The following TIMP3 variants were observed in gnomAD, a reference collection of about 807,000 sequenced individuals.
TIMP3 encodes TIMP metallopeptidase inhibitor 3.
In TIMP3, 11 loss-of-function variants were observed where a neutral mutation model predicts 30.0. The ratio of observed to expected loss-of-function variants is 0.37; its 90% CI spans 0.23 to 0.61. The LOEUF (loss-of-function observed/expected upper bound fraction) is 0.61. Ranked by LOEUF, TIMP3 falls within the 20% of genes least tolerant of loss-of-function variation. TIMP3 has a pLI of 0.70. For synonymous variants in TIMP3, 112 were observed against 111.3 expected (o/e 1.01, Z -0.04); for missense variants, 181 against 276.8 (o/e 0.65, Z 2.45).
At chr22:32,846,004 G>A (rs2146222841) in intron 1 of TIMP3, among the ~76,000 whole-genome samples, 1 of 152,282 alleles carries the variant, frequency 6.6e-6, no homozygotes, top group African/African-American at 2.4e-5. Context: ...GGGTTGGCCA[G>A]CAATTCTACT....
intron 1 of TIMP3, among the ~76,000 whole-genome samples, chr22:32,827,759 T>A (rs2047455135): frequency 6.6e-6 from 1 of 152,156 alleles, no homozygotes; most frequent in Non-Finnish European, 1.5e-5. Flanking sequence ...GGCCTCTGTC[T>A]CCCTTGGCCT....
chr22:32,825,442 C>A (rs920405749), intron 1 of TIMP3, among the ~76,000 whole-genome samples: 1 of 151,764 alleles, frequency 6.6e-6, no homozygotes, highest in Non-Finnish European at 1.5e-5. Flanking sequence ...AGGTGGATCA[C>A]CAGGTCAGGA....
At chr22:32,844,903 A>AT in intron 1 of TIMP3, among the ~76,000 whole-genome samples, 1 of 152,010 alleles carries the variant, frequency 6.6e-6, no homozygotes, top group Non-Finnish European at 1.5e-5. Flanking sequence ...ATAATTTTTT[A>AT]TTTTTTATAG....
intron 1 of TIMP3, among the ~76,000 whole-genome samples, chr22:32,844,332 C>A (rs1489356984): frequency 2.0e-5 from 3 of 152,176 alleles, no homozygotes; most frequent in Non-Finnish European, 4.4e-5. Context: ...GAAACTCAAT[C>A]CCAATTGCCA....
At chr22:32,838,915 T>C (rs1020551975) in intron 1 of TIMP3, among the ~76,000 whole-genome samples, 3 of 151,490 alleles carry the variant, frequency 2.0e-5, no homozygotes, top group African/African-American at 7.3e-5. Context: ...TGCTAGTGAG[T>C]GTCCAAGGAA....
chr22:32,819,566 G>A (rs980282872), intron 1 of TIMP3, among the ~76,000 whole-genome samples: 2 of 152,092 alleles, frequency 1.3e-5, no homozygotes, highest in African/African-American at 2.4e-5. Flanking sequence ...TATATTCCAG[G>A]TGCTGGGCAG....
At chr22:32,856,799 A>C (rs1434936281) in intron 2 of TIMP3, among the ~76,000 whole-genome samples, 2 of 152,164 alleles carry the variant, frequency 1.3e-5, no homozygotes, top group African/African-American at 4.8e-5. Context: ...CATTAATTAT[A>C]TCTCTTTGCC....
chr22:32,856,035 C>T (rs571826707), intron 2 of TIMP3, among the ~76,000 whole-genome samples: 11 of 152,274 alleles, frequency 7.2e-5, no homozygotes, highest in Middle Eastern at 3.4e-3. Context: ...TTGAATTCAA[C>T]GTTCACCAGC....
At chr22:32,812,361 A>C (rs1187752563) in intron 1 of TIMP3, among the ~76,000 whole-genome samples, 1 of 152,204 alleles carries the variant, frequency 6.6e-6, no homozygotes, top group African/African-American at 2.4e-5. Flanking sequence ...TAGTGAGCTG[A>C]GATACTTTAT....
At chr22:32,838,018 G>A (rs968291252) in intron 1 of TIMP3, among the ~76,000 whole-genome samples, 13 of 152,142 alleles carry the variant, frequency 8.5e-5, no homozygotes, top group African/African-American at 2.7e-4. Context: ...TCCCTCCGGC[G>A]CCTCCAGGCT....
chr22:32,849,582 C>T (rs1472386711), intron 2 of TIMP3, 48 bp downstream of exon 2: 1 of 1,551,634 alleles, frequency 6.4e-7, no homozygotes, highest in East Asian at 2.3e-5. Flanking sequence ...TGGGTTTTTG[C>T]CAGAAGAGTC....
chr22:32,802,642 G>A (rs528482027), intron 1 of TIMP3, among the ~76,000 whole-genome samples: 6 of 152,228 alleles, frequency 3.9e-5, no homozygotes, highest in South Asian at 2.1e-4. Flanking sequence ...CCAGCTGCAG[G>A]CTTCCCAGGC....
chr22:32,823,839 A>G (rs1601457899), intron 1 of TIMP3, among the ~76,000 whole-genome samples: 1 of 151,688 alleles, frequency 6.6e-6, no homozygotes, highest in Non-Finnish European at 1.5e-5. Context: ...CCCCATGTCC[A>G]CTCCTATAAG....
intron 1 of TIMP3, among the ~76,000 whole-genome samples, chr22:32,838,499 C>T (rs1423882843): frequency 6.6e-6 from 1 of 152,170 alleles, no homozygotes; most frequent in Non-Finnish European, 1.5e-5. Flanking sequence ...CTTGAGGGTG[C>T]TGAGCCTTGG....
chr22:32,840,522 T>A lies in TIMP3; in HGVS notation c.122-8930T>A, dbSNP rs562101507. Among the ~76,000 whole-genome samples, 318 of 145,514 alleles carry A rather than the reference T, an allele frequency of 2.2e-3. 1 individual carries two copies. Among genetic ancestry groups the A allele is most frequent in the Non-Finnish European group, 3.5e-3 (232 of 66,098 alleles). On this transcript the variant is annotated intron_variant, in intron 1 of 4. Transcript: ENST00000266085. ...CCCCACCCCCAGCCCCCAGCCCCCATGCTCTTGCAGTGGGAGGGGGGTCAT... is the reference window on the plus strand; with the variant it reads ...CCCCACCCCCAGCCCCCAGCCCCCAAGCTCTTGCAGTGGGAGGGGGGTCAT...
intron 1 of TIMP3, among the ~76,000 whole-genome samples, chr22:32,802,917 C>G (rs551922683): frequency 1.3e-5 from 2 of 152,066 alleles, no homozygotes; most frequent in South Asian, 4.2e-4. Flanking sequence ...TGCCAAGGGT[C>G]ACATCACGGT....
rs1014520908 is a variant in TIMP3 at position 32,860,790 on chromosome 22, G to A, written c.*1413G>A. On this transcript the variant is annotated 3_prime_UTR_variant, in exon 5 of 5. Transcript: ENST00000266085. Reference sequence around the variant, plus strand: ...CTCTCCTGGGTGTGGAGACAGCTTGGTTCCCTTTCCCTAGCTCCCTGGTGG... The same window carrying A: ...CTCTCCTGGGTGTGGAGACAGCTTGATTCCCTTTCCCTAGCTCCCTGGTGG... 15 of 152,080 alleles carry A rather than the reference G, an allele frequency of 9.9e-5. No homozygotes were observed. The highest frequency in any genetic ancestry group is 3.4e-4 in the African/African-American group (14 of 41,396). 9.4% of individuals were successfully genotyped at this position (152,080 alleles called of 1,614,324 possible). A position where few individuals can be genotyped will look rare whatever the true frequency, so the allele number is the denominator to read the frequency against.
chr22:32,830,680 C>G (rs778629203), intron 1 of TIMP3, among the ~76,000 whole-genome samples: 4 of 152,102 alleles, frequency 2.6e-5, no homozygotes, highest in Admixed American at 2.6e-4. Context: ...CCCCGCAATA[C>G]CACTGTGTGT....
At chr22:32,838,089 G>A (rs1329990116) in intron 1 of TIMP3, among the ~76,000 whole-genome samples, 2 of 152,142 alleles carry the variant, frequency 1.3e-5, no homozygotes, top group Non-Finnish European at 2.9e-5. Context: ...CTGTCTTCTT[G>A]TCTCACAAGA....
Sources: allele counts gnomAD v4.1 joint callset (sites outside exome capture counted in the v4.1 genomes callset), GRCh38; gene constraint gnomAD v4.1.1; transcripts MANE v1.5; gene names NCBI Gene and HGNC (gene_info 2026-07-23, HGNC 2026-07-21).